The following RNF138 variants were observed in gnomAD, a reference collection of about 807,000 sequenced individuals.
RNF138 encodes the protein ring finger protein 138, also known as E3 ubiquitin-protein ligase RNF138.
A neutral mutation model predicts 31.0 loss-of-function variants in RNF138; 12 were observed. That is an observed-to-expected ratio of 0.39 (90% confidence interval 0.25 to 0.63). RNF138 has a LOEUF of 0.63. RNF138 is among the 20% of genes least tolerant of loss of function. RNF138 has a pLI of 0.52. For synonymous variants in RNF138, 105 were observed against 99.5 expected (o/e 1.06, Z -0.33); for missense variants, 192 against 300.1 (o/e 0.64, Z 2.66).
At chr18:32,102,986 C>G (rs540095201) in intron 2 of RNF138, among the ~76,000 whole-genome samples, 2 of 152,174 alleles carry the variant, frequency 1.3e-5, no homozygotes, top group African/African-American at 4.8e-5. Context: ...TTTTGCTTTT[C>G]TATATTTTTA....
intron 4 of RNF138, among the ~76,000 whole-genome samples, chr18:32,115,728 GAGTC>G (rs999838077): frequency 6.6e-6 from 1 of 152,108 alleles, no homozygotes; most frequent in African/African-American, 2.4e-5. Flanking sequence ...CTGGGCGACA[GAGTC>G]AGACTCCGTC....
chr18:32,093,728 G>A (rs2039752882), intron 2 of RNF138, among the ~76,000 whole-genome samples: 1 of 152,178 alleles, frequency 6.6e-6, no homozygotes, highest in Non-Finnish European at 1.5e-5. Flanking sequence ...CGTTTGATTG[G>A]CAGGCATATT....
At chr18:32,106,940 C>T (rs2040039913) in intron 2 of RNF138, among the ~76,000 whole-genome samples, 1 of 152,026 alleles carries the variant, frequency 6.6e-6, no homozygotes, top group Admixed American at 6.6e-5. Flanking sequence ...AGGTCCTTCA[C>T]TTGTCTCTAT....
intron 2 of RNF138, among the ~76,000 whole-genome samples, chr18:32,094,085 C>T (rs944074533): frequency 6.6e-6 from 1 of 152,254 alleles, no homozygotes; most frequent in Admixed American, 6.5e-5. Flanking sequence ...GCCACCGCGC[C>T]CCGCCCGGAA....
At chr18:32,111,296 C>T (rs1015291992) in intron 2 of RNF138, among the ~76,000 whole-genome samples, 1 of 152,160 alleles carries the variant, frequency 6.6e-6, no homozygotes, top group East Asian at 1.9e-4. Context: ...TCTTGTGGAA[C>T]AACATGTCGA....
chr18:32,104,908 C>T (rs998660670), intron 2 of RNF138, among the ~76,000 whole-genome samples: 1 of 151,776 alleles, frequency 6.6e-6, no homozygotes, highest in African/African-American at 2.4e-5. Context: ...TAATAAAGAG[C>T]TAATGATTAT....
rs1402208519 is a variant in RNF138, at chr18:32,092,864, C to A, written c.88C>A (p.Arg30=). 1 of 1,584,696 alleles carries A rather than the reference C, an allele frequency of 6.3e-7. No homozygotes were observed. Among genetic ancestry groups the A allele is most frequent in the Non-Finnish European group, 8.6e-7 (1 of 1,168,418 alleles). Residue 30 remains arginine (R), a synonymous_variant, in exon 2 of 8, where the codon CGG becomes AGG. Transcript: ENST00000261593. ...VCQEVLKTPV[R]TTACQHVFCR... ...TCAGGAGGTGCTCAAAACGCCCGTG[C>A]GGACCACGGCCTGTCAGCACGTGTG...
chr18:32,098,664 AAC>A (rs1489027533), intron 2 of RNF138, among the ~76,000 whole-genome samples: 22 of 152,074 alleles, frequency 1.4e-4, no homozygotes, highest in African/African-American at 5.3e-4. Flanking sequence ...CATCCTGGCT[AAC>A]ACAGTGAAAC....
chr18:32,107,122 T>TC (rs1848430392), intron 2 of RNF138, among the ~76,000 whole-genome samples: 2 of 136,118 alleles, frequency 1.5e-5, no homozygotes, highest in African/African-American at 5.4e-5. Flanking sequence ...TTTCCTTTTT[T>TC]TTTTTTTTTT....
chr18:32,124,761 TC>T lies in RNF138; in HGVS notation c.481del (p.Leu161CysfsTer24). ...CTTCTGGTCATCCTACTTTTAAGTGTCCCCTGTGTCAAGAATCAAATTTTAC... is the reference window on the plus strand; with the variant it reads ...CTTCTGGTCATCCTACTTTTAAGTGTCCCTGTGTCAAGAATCAAATTTTAC... ...SSSGHPTFKC[P>X]LCQESNFTRQ... On this transcript the variant is annotated frameshift_variant, in exon 6 of 8. Coordinates refer to ENST00000261593, the MANE Select transcript of RNF138 (RefSeq NM_016271.5). LOFTEE classifies it high-confidence loss of function. 1 of 1,592,008 alleles carries T rather than the reference TC, an allele frequency of 6.3e-7. No homozygotes were observed. Among genetic ancestry groups the T allele is most frequent in the Non-Finnish European group, 8.6e-7 (1 of 1,160,146 alleles).
chr18:32,111,023 G>A (rs967452290), intron 2 of RNF138, among the ~76,000 whole-genome samples: 1 of 152,168 alleles, frequency 6.6e-6, no homozygotes, highest in Non-Finnish European at 1.5e-5. Context: ...CACGTGATCC[G>A]CCTGCTTCAG....
chr18:32,124,452 A>G (rs1426023144), intron 5 of RNF138: 1 of 286,894 alleles, frequency 3.5e-6, no homozygotes, highest in African/African-American at 2.1e-5. Flanking sequence ...GGACCTAACT[A>G]CATAATATAT....
At chr18:32,124,895 TTC>T (rs769993063) in intron 6 of RNF138, 50 bp downstream of exon 6, 1 of 896,554 alleles carries the variant, frequency 1.1e-6, no homozygotes, top group Non-Finnish European at 1.9e-6. Flanking sequence ...AAACATGCTG[TTC>T]TATTTATTTC....
At chr18:32,116,420 T>G (rs1049149080) in intron 4 of RNF138, among the ~76,000 whole-genome samples, 3 of 152,178 alleles carry the variant, frequency 2.0e-5, no homozygotes, top group African/African-American at 7.2e-5. Flanking sequence ...GTCTTATTTA[T>G]TTCTATATCC....
At chr18:32,127,923 A>G (rs1363327492) in intron 7 of RNF138, among the ~76,000 whole-genome samples, 1 of 152,170 alleles carries the variant, frequency 6.6e-6, no homozygotes, top group Non-Finnish European at 1.5e-5. Context: ...TACTAAAAAT[A>G]CAAAAAGTTA....
At chr18:32,096,669 A>G (rs959848491) in intron 2 of RNF138, among the ~76,000 whole-genome samples, 5 of 152,206 alleles carry the variant, frequency 3.3e-5, no homozygotes, top group African/African-American at 1.2e-4. Context: ...TCATCTGCAA[A>G]TGATTGTTAA....
At chr18:32,114,860 A>G (rs942674375) in intron 4 of RNF138, among the ~76,000 whole-genome samples, 7 of 151,162 alleles carry the variant, frequency 4.6e-5, no homozygotes, top group Admixed American at 4.0e-4. Context: ...CGTCTTCCCT[A>G]CTCAGTTGAA....
At chr18:32,113,275 C>G (rs2040163403) in intron 3 of RNF138, among the ~76,000 whole-genome samples, 1 of 152,096 alleles carries the variant, frequency 6.6e-6, no homozygotes, top group Non-Finnish European at 1.5e-5. Flanking sequence ...TCAGGCTGGT[C>G]TTGAACCCCT....
chr18:32,125,971 C>T (rs895939788), intron 6 of RNF138, among the ~76,000 whole-genome samples: 1 of 152,106 alleles, frequency 6.6e-6, no homozygotes, highest in African/African-American at 2.4e-5. Context: ...TATTGGATTA[C>T]CAAATTTTTA....
Sources: allele counts gnomAD v4.1 joint callset (sites outside exome capture counted in the v4.1 genomes callset), GRCh38; gene constraint gnomAD v4.1.1; transcripts MANE v1.5; gene names NCBI Gene and HGNC (gene_info 2026-07-23, HGNC 2026-07-21).